The following MAML3 variants were observed in gnomAD, a reference collection of about 807,000 sequenced individuals.
The protein encoded by MAML3 is mastermind like transcriptional coactivator 3.
Under a neutral mutation model 101.9 loss-of-function variants are expected in MAML3, and 27 were observed. The observed-to-expected ratio is 0.27, with a 90% CI of 0.20 to 0.37. MAML3 has a LOEUF of 0.37. MAML3 is among the 10% of genes least tolerant of loss of function. The pLI is 1.00. For missense variants in MAML3, 1,316 were observed against 1,444.9 expected (o/e 0.91, Z 1.45); for synonymous variants, 501 against 555.9 (o/e 0.90, Z 1.39).
chr4:140,148,662 C>A (rs1485238266), intron 1 of MAML3, among the ~76,000 whole-genome samples: 1 of 152,146 alleles, frequency 6.6e-6, no homozygotes, highest in Non-Finnish European at 1.5e-5. Flanking sequence ...TTACCTTCAA[C>A]AGGGTAAGAA....
intron 1 of MAML3, among the ~76,000 whole-genome samples, chr4:139,940,867 G>A (rs1371330787): frequency 1.3e-5 from 2 of 152,118 alleles, no homozygotes; most frequent in African/African-American, 2.4e-5. Context: ...CATAATACCA[G>A]GGAATTGCTG....
intron 2 of MAML3, among the ~76,000 whole-genome samples, chr4:139,764,478 A>G (rs528719152): frequency 1.3e-5 from 2 of 152,302 alleles, no homozygotes; most frequent in East Asian, 1.9e-4. Flanking sequence ...CTGAACTTTC[A>G]TTCTGTGACC....
chr4:139,838,525 A>G (rs111927335), intron 2 of MAML3, among the ~76,000 whole-genome samples: 4 of 152,240 alleles, frequency 2.6e-5, no homozygotes, highest in African/African-American at 9.6e-5. Context: ...ATTTTTTCTT[A>G]GAAAAAGGAA....
chr4:139,729,180 G>C (rs900098867), intron 3 of MAML3, among the ~76,000 whole-genome samples: 2 of 140,224 alleles, frequency 1.4e-5, no homozygotes, highest in African/African-American at 5.4e-5. Flanking sequence ...AAAAAAAAAA[G>C]GGAACATAAG....
Position 139,716,782 on chromosome 4 carries a change from T to C in MAML3, c.*2541A>G, listed in dbSNP as rs533519388. 7.7e-4 allele frequency: 118 copies of C among 152,640 alleles called. No individual in the cohort carries two copies. The highest frequency in any genetic ancestry group is 2.7e-3 in the African/African-American group (113 of 41,590). The allele number at this position is 152,640 out of a possible 1,614,324, so 9.5% of individuals were successfully genotyped here. A position where few individuals can be genotyped will look rare whatever the true frequency, so the allele number is the denominator to read the frequency against. The stretch of plus-strand genomic sequence containing the variant: ...TTCAGATAATCTTTTATTTTTGTTT[T>C]TGTTTTCTTTAAAAGTGGTATGTCA... On this transcript the variant is annotated 3_prime_UTR_variant, in exon 5 of 5. Transcript: ENST00000509479.
At chr4:139,950,127 G>A (rs961124930) in intron 1 of MAML3, among the ~76,000 whole-genome samples, 5 of 152,026 alleles carry the variant, frequency 3.3e-5, no homozygotes, top group Non-Finnish European at 5.9e-5. Flanking sequence ...TGCAACCTCC[G>A]CCTCCCAGGT....
chr4:139,881,226 C>T (rs1196668369), intron 2 of MAML3, among the ~76,000 whole-genome samples: 1 of 152,098 alleles, frequency 6.6e-6, no homozygotes, highest in Non-Finnish European at 1.5e-5. Flanking sequence ...GATTACTCTG[C>T]AGAGATGAAA....
chr4:140,046,138 T>A (rs1382517629), intron 1 of MAML3, among the ~76,000 whole-genome samples: 2 of 152,202 alleles, frequency 1.3e-5, no homozygotes, highest in Non-Finnish European at 2.9e-5. Flanking sequence ...CTGGCTCTTG[T>A]GTGGTTAGAT....
chr4:139,890,243 G>A lies in MAML3; in HGVS notation c.1193C>T (p.Ala398Val). ...VSTATSLPSVASTPAAPNPAS... is the reference protein window; with the variant it reads ...VSTATSLPSVVSTPAAPNPAS... ...AGGGTTTGGAGCTGCGGGAGTGCTG[G>A]CAACAGAAGGTAAACTAGTGGCCGT... The change falls in exon 2 of 5, where the codon GCC (alanine) becomes GTC (valine). Residue 398 changes from alanine (A) to valine (V), a missense_variant. Ala to Val is a moderately conservative substitution (Grantham distance 64). Coordinates refer to ENST00000509479, the MANE Select transcript of MAML3 (RefSeq NM_018717.5). This position sits in a 1 kb window ranked among gnomAD's most constrained non-coding sequence, Gnocchi z 4.1. The A allele has an allele frequency of 6.2e-7, 1 of 1,613,726 alleles. No individual in the cohort carries two copies. Among genetic ancestry groups the A allele is most frequent in the Non-Finnish European group, 8.5e-7 (1 of 1,179,884 alleles).
chr4:139,902,518 A>C (rs1041587597), intron 1 of MAML3, among the ~76,000 whole-genome samples: 18 of 152,318 alleles, frequency 1.2e-4, no homozygotes, highest in Admixed American at 7.2e-4. Context: ...CTCCGGGATG[A>C]ATCCCCCATG....
intron 1 of MAML3, among the ~76,000 whole-genome samples, chr4:140,047,587 A>G (rs1490454599): frequency 6.6e-6 from 1 of 152,104 alleles, no homozygotes; most frequent in Non-Finnish European, 1.5e-5. Context: ...TGAATGAATA[A>G]TACCTAATAA....
chr4:139,783,316 G>A (rs1216511465), intron 2 of MAML3, among the ~76,000 whole-genome samples: 6 of 152,176 alleles, frequency 3.9e-5, no homozygotes, highest in Non-Finnish European at 2.9e-5. Flanking sequence ...TTCCTGTGAC[G>A]TCCTGCTCCT....
intron 2 of MAML3, among the ~76,000 whole-genome samples, chr4:139,766,581 T>C (rs1456295829): frequency 1.3e-5 from 2 of 152,170 alleles, no homozygotes; most frequent in Non-Finnish European, 2.9e-5. Context: ...AGAATAGGGC[T>C]TGGCACCTAT....
intron 1 of MAML3, among the ~76,000 whole-genome samples, chr4:140,082,544 C>T (rs577549016): frequency 3.2e-4 from 49 of 152,212 alleles, no homozygotes; most frequent in Non-Finnish European, 4.9e-4. Context: ...ACAGTAGTGT[C>T]GTTACTATGG....
rs1284273682 is a variant in MAML3, at chr4:139,719,224, G to A, written c.*99C>T. ...GCTGCAGTTTTGCTCAGTTTACGTGGGTCAAAAAAACAAAAAACAAGGATG... is the reference window on the plus strand; with the variant it reads ...GCTGCAGTTTTGCTCAGTTTACGTGAGTCAAAAAAACAAAAAACAAGGATG... On this transcript the variant is annotated 3_prime_UTR_variant, in exon 5 of 5. Coordinates refer to ENST00000509479, the MANE Select transcript of MAML3 (RefSeq NM_018717.5). 1.4e-6 allele frequency: 2 copies of A among 1,401,750 alleles called. No homozygotes were observed. Among genetic ancestry groups the A allele is most frequent in the Non-Finnish European group, 1.9e-6 (2 of 1,054,834 alleles). 86.8% of individuals were successfully genotyped at this position (1,401,750 alleles called of 1,614,324 possible). A position where few individuals can be genotyped will look rare whatever the true frequency, so the allele number is the denominator to read the frequency against.
rs1732429712 is a variant in MAML3 at position 139,889,908 on chromosome 4, GTT to G, written c.1526_1527del (p.Gln509ProfsTer17). The G allele has an allele frequency of 1.9e-6, 3 of 1,597,936 alleles. No homozygotes were observed. Among genetic ancestry groups the G allele is most frequent in the Non-Finnish European group, 2.6e-6 (3 of 1,175,000 alleles). ...QQQQQQQQQQQQHSNQTSNWS... is the reference protein window; with the variant it reads ...QQQQQQQQQQXQHSNQTSNWS... ...CAATTTGAAGTCTGATTTGAGTGCT[GTT>G]GCTGCTGCTGCTGCTGCTGCTGCTG... On this transcript the variant is annotated frameshift_variant, in exon 2 of 5. Transcript: ENST00000509479. LOFTEE classifies it high-confidence loss of function.
chr4:140,016,954 G>C (rs1371039734), intron 1 of MAML3, among the ~76,000 whole-genome samples: 2 of 152,156 alleles, frequency 1.3e-5, no homozygotes, highest in African/African-American at 4.8e-5. Flanking sequence ...GGAAAATTTG[G>C]TAAGTTTTGT....
chr4:140,061,653 TA>T (rs1433821813), intron 1 of MAML3, among the ~76,000 whole-genome samples: 2 of 152,096 alleles, frequency 1.3e-5, no homozygotes, highest in African/African-American at 4.8e-5. Context: ...TAATGAAAAA[TA>T]AGAAAATATG....
chr4:139,801,272 A>T (rs1730599648), intron 2 of MAML3, among the ~76,000 whole-genome samples: 1 of 152,236 alleles, frequency 6.6e-6, no homozygotes, highest in African/African-American at 2.4e-5. Context: ...TTTCAGATGA[A>T]CAACTTATAC....
Sources: allele counts gnomAD v4.1 joint callset (sites outside exome capture counted in the v4.1 genomes callset), GRCh38; gene constraint gnomAD v4.1.1; non-coding constraint Gnocchi (gnomAD v3.1); transcripts MANE v1.5; gene names NCBI Gene and HGNC (gene_info 2026-07-23, HGNC 2026-07-21).